The following DENND4C variants were observed in gnomAD, a reference collection of about 807,000 sequenced individuals.
The protein encoded by DENND4C is DENN domain-containing protein 4C.
DENND4C carries 108 observed loss-of-function variants against 203.0 expected under a neutral mutation model. That is an observed-to-expected ratio of 0.53 (90% CI 0.46 to 0.62). DENND4C has a LOEUF of 0.62. DENND4C is among the 20% of genes least tolerant of loss of function. The probability of loss-of-function intolerance (pLI) is 0.00; values close to 1 mark genes in which losing one functional copy is unlikely to be tolerated. For missense variants in DENND4C, 2,481 were observed against 2,301.2 expected, an observed-to-expected ratio of 1.08 and a Z score of -1.60; for synonymous variants, 871 against 792.4, an observed-to-expected ratio of 1.10 and a Z score of -1.67.
intron 30 of DENND4C, among the ~76,000 whole-genome samples, chr9:19,365,747 T>A (rs1462803848): frequency 9.0e-6 from 1 of 110,812 alleles, no homozygotes; most frequent in South Asian, 2.5e-4. Flanking sequence ...GGCTATAAGA[T>A]CAGTATAGAG....
At chr9:19,314,707 C>G (rs1266613330) in intron 10 of DENND4C, among the ~76,000 whole-genome samples, 2 of 151,976 alleles carry the variant, frequency 1.3e-5, no homozygotes, top group South Asian at 4.1e-4. Context: ...AAAATAGAAC[C>G]TGATTAAAAA....
chr9:19,248,063 G>T (rs998782798), intron 1 of DENND4C, among the ~76,000 whole-genome samples: 5 of 151,972 alleles, frequency 3.3e-5, no homozygotes, highest in African/African-American at 1.2e-4. Context: ...CTTCTAGTTT[G>T]TTCTCACAAC....
chr9:19,269,755 G>A (rs1001324751), intron 1 of DENND4C, among the ~76,000 whole-genome samples: 3 of 152,078 alleles, frequency 2.0e-5, no homozygotes, highest in African/African-American at 7.2e-5. Context: ...TTGGTCACTG[G>A]TGCCTCATTT....
intron 2 of DENND4C, among the ~76,000 whole-genome samples, chr9:19,278,340 T>C (rs1833328729): frequency 6.6e-6 from 1 of 152,164 alleles, no homozygotes; most frequent in Non-Finnish European, 1.5e-5. Context: ...GGTTTCACCA[T>C]ATTGGCAAAG....
At chr9:19,312,539 C>A (rs751648420) in intron 10 of DENND4C, among the ~76,000 whole-genome samples, 1 of 152,132 alleles carries the variant, frequency 6.6e-6, no homozygotes, top group Non-Finnish European at 1.5e-5. Context: ...TTAAAATATG[C>A]ACAAGAAACT....
chr9:19,366,795 T>C (rs1827774510), intron 30 of DENND4C, among the ~76,000 whole-genome samples: 2 of 152,148 alleles, frequency 1.3e-5, no homozygotes, highest in Admixed American at 1.3e-4. Flanking sequence ...CCGTGTTAGT[T>C]AGGCAAGGCC....
chr9:19,327,960 C>G (rs1818172976), intron 15 of DENND4C, 70 bp from the exon 16 acceptor site: 3 of 1,404,444 alleles, frequency 2.1e-6, no homozygotes, highest in South Asian at 2.9e-5. Context: ...AAATATTTGC[C>G]TAAACGCTGG....
chr9:19,346,566 C>T lies in DENND4C; in HGVS notation c.3797C>T (p.Pro1266Leu), dbSNP rs772926994. 2 of 1,614,166 alleles carry T rather than the reference C, an allele frequency of 1.2e-6. No homozygotes were observed. The highest frequency in any genetic ancestry group is 1.1e-5 in the South Asian group (1 of 91,082). Residue 1266 changes from proline (P) to leucine (L), a missense_variant, in exon 23 of 33, where the codon CCT becomes CTT. Coordinates refer to ENST00000434457, the MANE Select transcript of DENND4C (RefSeq NM_001330640.2). ...LATECTGGKT[P>L]DSEDKLFSPV... is the part of the protein sequence containing the mutation. ...ACTGAATGTACAGGAGGAAAAACTC[C>T]TGATTCTGAAGATAAGTTGTTTTCT...
rs1822891926 is a variant in DENND4C, at chr9:19,346,405, TAAC to T, written c.3638_3640del (p.Asn1213del). On this transcript the variant is annotated inframe_deletion, in exon 23 of 33. Coordinates refer to ENST00000434457, the MANE Select transcript of DENND4C (RefSeq NM_001330640.2). ...CATATGAGAGTCTACTAAGTGATAG[TAAC>T]AGTAATCAGTCCAGAGACTTGAAAA... 1.2e-6 allele frequency: 2 copies of T among 1,614,132 alleles called. No individual in the cohort carries two copies. Among genetic ancestry groups the T allele is most frequent in the Non-Finnish European group, 8.5e-7 (1 of 1,180,024 alleles).
At position 19,352,168 on chromosome 9, in the gene DENND4C, A is replaced by C; in HGVS notation, c.4591A>C (p.Asn1531His). Residue 1531 changes from asparagine (N) to histidine (H), a missense_variant, in exon 25 of 33, where the codon AAT (asparagine) becomes CAT (histidine). Transcript: ENST00000434457. The stretch of plus-strand genomic sequence containing the variant: ...TACCAGCATGTCTAGCATCTATCAG[A>C]ATTGTGCAATGGAGGTAAAAGTTCT... ...QNTSMSSIYQNCAMEVLMSSC... is the reference protein window; with the variant it reads ...QNTSMSSIYQHCAMEVLMSSC... 6.2e-7 allele frequency: 1 copy of C among 1,613,738 alleles called. No individual in the cohort carries two copies. Among genetic ancestry groups the C allele is most frequent in the Non-Finnish European group, 8.5e-7 (1 of 1,179,768 alleles).
intron 5 of DENND4C, among the ~76,000 whole-genome samples, chr9:19,295,272 G>A (rs1451425023): frequency 6.6e-6 from 1 of 152,320 alleles, no homozygotes; most frequent in South Asian, 2.1e-4. Context: ...TTGGAAGGCC[G>A]AGGTGGGCGG....
At chr9:19,323,275 C>G (rs1194621180) in intron 12 of DENND4C, among the ~76,000 whole-genome samples, 1 of 151,938 alleles carries the variant, frequency 6.6e-6, no homozygotes, top group South Asian at 2.1e-4. Context: ...ACTAAAAATA[C>G]AAAAATTAGC....
intron 23 of DENND4C, among the ~76,000 whole-genome samples, chr9:19,349,272 A>G (rs1823572270): frequency 6.6e-6 from 1 of 151,990 alleles, no homozygotes; most frequent in South Asian, 2.1e-4. Context: ...GCTGGGCGTG[A>G]TGTCATGTAC....
intron 1 of DENND4C, among the ~76,000 whole-genome samples, chr9:19,270,617 T>C (rs1001111258): frequency 3.9e-5 from 6 of 152,242 alleles, no homozygotes; most frequent in Admixed American, 2.0e-4. Context: ...ACTTGGGTTG[T>C]TTTCACCTTT....
intron 12 of DENND4C, among the ~76,000 whole-genome samples, chr9:19,319,379 T>TACATATATATATCCATATATATACACAC (rs1842455912): frequency 9.4e-6 from 1 of 105,834 alleles, no homozygotes; most frequent in Non-Finnish European, 1.9e-5. Context: ...TATATACACA[T>TACATATATATATCCATATATATACACAC]ACATATATAT....
intron 13 of DENND4C, 48 bp downstream of exon 13, chr9:19,324,555 A>C: frequency 6.4e-7 from 1 of 1,557,380 alleles, no homozygotes; most frequent in Non-Finnish European, 8.7e-7. Flanking sequence ...AGTTTGCCTT[A>C]CCTGTGTAAT....
intron 26 of DENND4C, among the ~76,000 whole-genome samples, chr9:19,356,231 C>T (rs943665110): frequency 1.3e-5 from 2 of 152,094 alleles, no homozygotes; most frequent in Non-Finnish European, 1.5e-5. Context: ...GATATTAATA[C>T]ATTTCTCCCC....
intron 1 of DENND4C, among the ~76,000 whole-genome samples, chr9:19,231,739 C>T (rs1820617309): frequency 6.6e-6 from 1 of 151,700 alleles, no homozygotes; most frequent in African/African-American, 2.4e-5. Context: ...GTGTCATTTC[C>T]AGTAGTGAAC....
At chr9:19,341,571 A>T (rs933035311) in intron 21 of DENND4C, among the ~76,000 whole-genome samples, 3 of 151,356 alleles carry the variant, frequency 2.0e-5, no homozygotes, top group Admixed American at 2.0e-4. Context: ...CAGCCTCCCA[A>T]AGTGCTGGGA....
Sources: allele counts gnomAD v4.1 joint callset (sites outside exome capture counted in the v4.1 genomes callset), GRCh38; gene constraint gnomAD v4.1.1; transcripts MANE v1.5; gene names NCBI Gene and HGNC (gene_info 2026-07-23, HGNC 2026-07-21).